The following YAE1 variants were observed in gnomAD, a reference collection of about 807,000 sequenced individuals.
YAE1 encodes the protein protein YAE1 homolog.
YAE1 carries 22 observed loss-of-function variants against 23.0 expected under a neutral mutation model. The observed-to-expected ratio is 0.96, with a 90% confidence interval of 0.68 to 1.37. The LOEUF is 1.37. Ranked by LOEUF, YAE1 falls within the 40% of genes most tolerant of loss-of-function variation. YAE1 has a pLI of 0.00. For missense variants in YAE1, 260 were observed against 262.1 expected (o/e 0.99, Z 0.06); for synonymous variants, 101 against 97.0 (o/e 1.04, Z -0.24).
At chr7:39,611,664 A>C (rs1791220645), downstream of YAE1, among the ~76,000 whole-genome samples, 1 of 152,226 alleles carries the variant, frequency 6.6e-6, no homozygotes. Context: ...TCCACAGCTG[A>C]GGCACAGAAA....
chr7:39,606,648 A>G (rs1369395183), intron 2 of YAE1, among the ~76,000 whole-genome samples: 1 of 152,222 alleles, frequency 6.6e-6, no homozygotes, highest in African/African-American at 2.4e-5. Context: ...GTGTGCCCAC[A>G]ATTCTCTATC....
intron 2 of YAE1, among the ~76,000 whole-genome samples, chr7:39,600,414 T>C (rs574552766): frequency 5.5e-4 from 84 of 152,216 alleles, no homozygotes; most frequent in African/African-American, 1.9e-3. Flanking sequence ...TTATTTATTT[T>C]TGGGATGGAG....
chr7:39,579,599 G>A (rs1473876372), intron 2 of YAE1, among the ~76,000 whole-genome samples: 1 of 151,362 alleles, frequency 6.6e-6, no homozygotes, highest in Non-Finnish European at 1.5e-5. Context: ...AACCCAGGAG[G>A]TGGGGGTGCA....
chr7:39,572,192 C>G lies in YAE1; in HGVS notation c.252-85C>G, dbSNP rs919446488. On this transcript the variant is annotated intron_variant, in intron 2 of 2. Coordinates refer to ENST00000223273, the MANE Select transcript of YAE1 (RefSeq NM_020192.5). ...ATTATAAACAGTTTTATGATTAAGT[C>G]CAATCGTTTAATTGTTATTGAAAGA... is the stretch of plus-strand genomic sequence containing the variant. 38 of 1,346,528 alleles carry G rather than the reference C, an allele frequency of 2.8e-5. No homozygotes were observed. In the South Asian group the frequency reaches 3.4e-4, roughly 12 times the overall value. 83.4% of individuals were successfully genotyped at this position (1,346,528 alleles called of 1,614,324 possible).
intron 2 of YAE1, among the ~76,000 whole-genome samples, chr7:39,605,021 A>G (rs1250890740): frequency 6.6e-6 from 1 of 152,208 alleles, no homozygotes; most frequent in Non-Finnish European, 1.5e-5. Flanking sequence ...TTACAGTGAG[A>G]TATTCTTCAG....
At chr7:39,591,502 G>T (rs1226808352) in intron 2 of YAE1, among the ~76,000 whole-genome samples, 1 of 151,876 alleles carries the variant, frequency 6.6e-6, no homozygotes, top group Non-Finnish European at 1.5e-5. Context: ...TGTTCTTGAA[G>T]GATTTTTTAA....
intron 2 of YAE1, 171 bp downstream of exon 2, chr7:39,570,798 C>T: frequency 1.3e-6 from 1 of 753,472 alleles, no homozygotes; most frequent in Non-Finnish European, 2.0e-6. Context: ...TCTTTATCAG[C>T]TCATCTACTT....
intron 2 of YAE1, among the ~76,000 whole-genome samples, chr7:39,599,572 C>T (rs1206791940): frequency 6.6e-6 from 1 of 151,724 alleles, no homozygotes; most frequent in Non-Finnish European, 1.5e-5. Flanking sequence ...ACGGGTTGCT[C>T]TTATATTAAG....
intron 2 of YAE1, among the ~76,000 whole-genome samples, chr7:39,583,731 C>T (rs1010740215): frequency 7.2e-5 from 11 of 152,166 alleles, no homozygotes; most frequent in African/African-American, 2.4e-4. Flanking sequence ...ATGGTAGTGA[C>T]ATCATTGTTT....
intron 2 of YAE1, among the ~76,000 whole-genome samples, chr7:39,597,067 A>G (rs1017149705): frequency 1.3e-5 from 2 of 152,272 alleles, no homozygotes; most frequent in African/African-American, 4.8e-5. Flanking sequence ...ATTTGCCATC[A>G]TTTAACAGAT....
chr7:39,594,743 C>T lies in YAE1; in HGVS notation c.252-14874C>T, dbSNP rs141985041. Reference sequence around the variant, plus strand: ...CCAAGTAGCTAGGATTACATGTGCCCGCCACCATGCCTGGCTAATTTTTTG... The same window carrying T: ...CCAAGTAGCTAGGATTACATGTGCCTGCCACCATGCCTGGCTAATTTTTTG... On this transcript the variant is annotated intron_variant, in intron 2 of 2. Coordinates refer to the YAE1 transcript ENST00000432096. Among the ~76,000 whole-genome samples, 52 of 152,034 alleles carry T rather than the reference C, an allele frequency of 3.4e-4. No individual in the cohort carries two copies. The East Asian group carries it at 8.9e-3, about 26-fold the overall frequency.
chr7:39,610,077 G>C, exon 3 of YAE1: 1 of 1,421,494 alleles, frequency 7.0e-7, no homozygotes, highest in Non-Finnish European at 9.2e-7. Context: ...TTTCTCCTGG[G>C]TGAAGATGGA....
At chr7:39,566,620 A>C in intron 1 of YAE1, 73 bp downstream of exon 1, 1 of 1,590,668 alleles carries the variant, frequency 6.3e-7, no homozygotes, top group Non-Finnish European at 8.6e-7. Flanking sequence ...AGCTGGGTCC[A>C]GAGTGGCCCC....
chr7:39,581,863 C>A (rs1340640928), intron 2 of YAE1, among the ~76,000 whole-genome samples: 4 of 151,604 alleles, frequency 2.6e-5, no homozygotes, highest in Non-Finnish European at 4.4e-5. Flanking sequence ...CAGAGTGAGA[C>A]CCAGTCTCAA....
chr7:39,575,551 A>AGG (rs1562590498), downstream of YAE1, among the ~76,000 whole-genome samples: 1,168 of 128,032 alleles, frequency 9.1e-3, 35 homozygotes, highest in East Asian at 0.088. Flanking sequence ...AGAGAGAGAG[A>AGG]GAGAGAGAGA....
At chr7:39,586,658 CA>C (rs1790818659) in intron 2 of YAE1, among the ~76,000 whole-genome samples, 1 of 151,424 alleles carries the variant, frequency 6.6e-6, no homozygotes, top group Non-Finnish European at 1.5e-5. Context: ...CCACCATGCC[CA>C]GCTATTTTTT....
intron 1 of YAE1, among the ~76,000 whole-genome samples, chr7:39,567,799 C>T (rs1790497252): frequency 6.6e-6 from 1 of 152,062 alleles, no homozygotes; most frequent in Non-Finnish European, 1.5e-5. Context: ...TTCTCCTATC[C>T]GCAGAGCCTA....
At chr7:39,609,919 C>A in exon 3 of YAE1, 1 of 1,529,082 alleles carries the variant, frequency 6.5e-7, no homozygotes. Context: ...CCGCCAGAGG[C>A]ACCTTCCAAC....
chr7:39,602,691 A>G (rs1320460616), intron 2 of YAE1, among the ~76,000 whole-genome samples: 1 of 152,228 alleles, frequency 6.6e-6, no homozygotes, highest in Non-Finnish European at 1.5e-5. Flanking sequence ...GGCAGGTAGA[A>G]GAAGAAGAAA....
Sources: allele counts gnomAD v4.1 joint callset (sites outside exome capture counted in the v4.1 genomes callset), GRCh38; gene constraint gnomAD v4.1.1; transcripts MANE v1.5; gene names NCBI Gene and HGNC (gene_info 2026-07-23, HGNC 2026-07-21).